Variants in LAMA2 observed in about 807,000 individuals in gnomAD.
The protein encoded by LAMA2 is laminin subunit alpha 2.
LAMA2 carries 269 observed loss-of-function variants against 364.8 expected under a neutral mutation model. The ratio of observed to expected loss-of-function variants is 0.74; its 90% CI spans 0.67 to 0.82. The LOEUF is 0.82. Ranked by LOEUF, LAMA2 falls within the 40% of genes least tolerant of loss-of-function variation. The probability of loss-of-function intolerance (pLI) is 0.00; values close to 1 mark genes in which losing one functional copy is unlikely to be tolerated. For missense variants in LAMA2, 3,807 were observed against 3,873.2 expected, an observed-to-expected ratio of 0.98 and a Z score of 0.45; for synonymous variants, 1,379 against 1,370.6, an observed-to-expected ratio of 1.01 and a Z score of -0.14.
intron 32 of LAMA2, among the ~76,000 whole-genome samples, chr6:129,358,593 G>A (rs1030822566): frequency 6.6e-6 from 1 of 152,018 alleles, no homozygotes; most frequent in Non-Finnish European, 1.5e-5. Flanking sequence ...GAAGCATGGT[G>A]TTATGAAGTG....
At chr6:129,236,834 G>A (rs1471389736) in intron 12 of LAMA2, among the ~76,000 whole-genome samples, 1 of 152,066 alleles carries the variant, frequency 6.6e-6, no homozygotes, top group African/African-American at 2.4e-5. Context: ...TAATTTTTAT[G>A]TAATATAATT....
intron 22 of LAMA2, among the ~76,000 whole-genome samples, chr6:129,306,348 T>G (rs572673904): frequency 8.1e-5 from 12 of 147,554 alleles, no homozygotes; most frequent in South Asian, 6.6e-4. Flanking sequence ...CAGAAAGGTG[T>G]TTTTTTTTTT....
intron 4 of LAMA2, among the ~76,000 whole-genome samples, chr6:129,109,063 A>G (rs957748276): frequency 6.6e-6 from 1 of 152,112 alleles, no homozygotes; most frequent in Non-Finnish European, 1.5e-5. Flanking sequence ...AGAATGAGCT[A>G]TTGAGTTTAA....
At chr6:129,438,410 C>A (rs556473246) in intron 41 of LAMA2, among the ~76,000 whole-genome samples, 110 of 151,762 alleles carry the variant, frequency 7.2e-4, no homozygotes, top group African/African-American at 2.5e-3. Flanking sequence ...AGATCAGATA[C>A]CAAGAAGAAA....
At chr6:128,899,830 T>C (rs2114411883) in intron 1 of LAMA2, among the ~76,000 whole-genome samples, 1 of 152,288 alleles carries the variant, frequency 6.6e-6, no homozygotes, top group South Asian at 2.1e-4. Flanking sequence ...TATTTAAGCT[T>C]TGGATAAGGA....
In LAMA2 at chr6:129,509,575, T is replaced by C. The variant is rs1186871234; in HGVS notation, c.8857+1933T>C. 2.0e-5 allele frequency among the ~76,000 whole-genome samples: 3 copies of C among 152,190 alleles called. No individual in the cohort carries two copies. In the South Asian group the frequency reaches 6.2e-4, roughly 32 times the overall value. ...CTAGTTTCATTCTTCCGCATATGAATATCCAGTTTTCCCTGCACCATTTAT... is the reference window on the plus strand; with the variant it reads ...CTAGTTTCATTCTTCCGCATATGAACATCCAGTTTTCCCTGCACCATTTAT... On this transcript the variant is annotated intron_variant, in intron 62 of 64. Coordinates refer to ENST00000421865, the MANE Select transcript of LAMA2 (RefSeq NM_000426.4).
chr6:129,105,833 A>G (rs1775789692), intron 4 of LAMA2, among the ~76,000 whole-genome samples: 1 of 152,148 alleles, frequency 6.6e-6, no homozygotes, highest in Admixed American at 6.5e-5. Flanking sequence ...TGCTTTAGAG[A>G]TCCTAGAATT....
In LAMA2 at chr6:129,320,576, G is replaced by A. The variant is rs573563174; in HGVS notation, c.4097G>A (p.Arg1366His). 2.0e-5 allele frequency: 32 copies of A among 1,612,992 alleles called. No homozygotes were observed. The highest frequency in any genetic ancestry group is 2.7e-5 in the African/African-American group (2 of 74,864). Residue 1366 changes from arginine to histidine, a missense_variant, in exon 28 of 65, where the codon CGT becomes CAT. Around this residue, in one of 3 missense-constraint regions of LAMA2, gnomAD observed 3,333 missense variants for 3,345.7 expected, o/e 1.00. Coordinates refer to ENST00000421865, the MANE Select transcript of LAMA2 (RefSeq NM_000426.4). Reference sequence around the variant, plus strand: ...TCAATGGAGGTAGCTGAACAAGGACGTGGAACAACAATGACTCCTCCAGCT... The same window carrying A: ...TCAATGGAGGTAGCTGAACAAGGACATGGAACAACAATGACTCCTCCAGCT... ...EISMEVAEQG[R>H]GTTMTPPADL...
At chr6:129,338,013 C>A (rs545327056) in intron 29 of LAMA2, among the ~76,000 whole-genome samples, 3 of 152,070 alleles carry the variant, frequency 2.0e-5, no homozygotes, top group Non-Finnish European at 2.9e-5. Flanking sequence ...ATTCAATTAA[C>A]CAAGTTTAGT....
At chr6:129,340,462 G>A (rs532532424) in intron 29 of LAMA2, among the ~76,000 whole-genome samples, 1 of 152,254 alleles carries the variant, frequency 6.6e-6, no homozygotes, top group South Asian at 2.1e-4. Context: ...ATGTCAAAGG[G>A]ATGGAAAATA....
chr6:129,316,445 TC>T (rs1774615877), intron 27 of LAMA2, among the ~76,000 whole-genome samples: 1 of 152,250 alleles, frequency 6.6e-6, no homozygotes, highest in Non-Finnish European at 1.5e-5. Context: ...ATTCAAGAGA[TC>T]ATATACTGTA....
intron 41 of LAMA2, among the ~76,000 whole-genome samples, chr6:129,429,433 T>C (rs924146875): frequency 2.0e-5 from 3 of 152,192 alleles, no homozygotes; most frequent in African/African-American, 7.2e-5. Flanking sequence ...ATCTTACTTA[T>C]CTTAGAAAGA....
At chr6:128,969,022 T>C (rs1279056019) in intron 1 of LAMA2, among the ~76,000 whole-genome samples, 1 of 152,200 alleles carries the variant, frequency 6.6e-6, no homozygotes, top group Non-Finnish European at 1.5e-5. Context: ...GTTCGGTTTC[T>C]ATAATTTCCA....
At chr6:129,127,541 G>A (rs1777187356) in intron 4 of LAMA2, among the ~76,000 whole-genome samples, 1 of 152,206 alleles carries the variant, frequency 6.6e-6, no homozygotes, top group Non-Finnish European at 1.5e-5. Context: ...ATACCTGGAA[G>A]TGAGATTGCT....
At chr6:129,220,557 A>G (rs894149352) in intron 12 of LAMA2, among the ~76,000 whole-genome samples, 1 of 152,250 alleles carries the variant, frequency 6.6e-6, no homozygotes. Flanking sequence ...TCTGCATAAT[A>G]TAGCTAGAAA....
intron 1 of LAMA2, among the ~76,000 whole-genome samples, chr6:129,035,762 A>G (rs953603747): frequency 4.0e-5 from 6 of 151,770 alleles, no homozygotes; most frequent in Admixed American, 3.3e-4. Flanking sequence ...GCTTATTTTT[A>G]TTGACTTTGT....
intron 28 of LAMA2, among the ~76,000 whole-genome samples, chr6:129,320,895 T>A (rs778227134): frequency 9.9e-5 from 15 of 152,260 alleles, no homozygotes; most frequent in Non-Finnish European, 1.8e-4. Context: ...AATCAGGAAT[T>A]AAGAATGTTT....
In LAMA2 at chr6:129,332,051, C is replaced by T. The variant is rs187099834; in HGVS notation, c.4311+3639C>T. Among the ~76,000 whole-genome samples, 4 of 152,288 alleles carry T rather than the reference C, an allele frequency of 2.6e-5. No individual in the cohort carries two copies. The East Asian group carries it at 7.7e-4, about 29-fold the overall frequency. ...TATTCCTGGGACTCAATCCTTGGAG[C>T]AATTTGTTTCTCTAACTACATTCAT... On this transcript the variant is annotated intron_variant, in intron 29 of 64. Transcript: ENST00000421865.
chr6:129,272,332 A>G (rs1438673051), intron 17 of LAMA2, among the ~76,000 whole-genome samples: 1 of 152,078 alleles, frequency 6.6e-6, no homozygotes, highest in Non-Finnish European at 1.5e-5. Flanking sequence ...CTGTGCCTCA[A>G]TTTTGTCATC....
Sources: gnomAD v4.1 joint callset for allele counts (sites outside exome capture counted in the v4.1 genomes callset) on GRCh38, gnomAD v4.1.1 for gene constraint, gnomAD v4.1.1 regional missense constraint, MANE v1.5 for transcripts, NCBI Gene and HGNC (gene_info 2026-07-23, HGNC 2026-07-21) for gene names.